The following CRACR2A variants were observed in gnomAD, a reference collection of about 807,000 sequenced individuals.
The protein encoded by CRACR2A is EF-hand calcium-binding domain-containing protein 4B.
CRACR2A carries 79 observed loss-of-function variants against 90.5 expected under a neutral mutation model. That is an observed-to-expected ratio of 0.87 (90% CI 0.73 to 1.05). The LOEUF (loss-of-function observed/expected upper bound fraction) is 1.05, where lower values mean the gene tolerates loss of function less well. Ranked by LOEUF, CRACR2A falls within the 50% of genes least tolerant of loss-of-function variation. The pLI is 0.00. For synonymous variants in CRACR2A, 338 were observed against 356.7 expected (o/e 0.95, Z 0.59); for missense variants, 823 against 897.2 (o/e 0.92, Z 1.06).
At chr12:3,714,041 C>T (rs1946046210) in intron 2 of CRACR2A, among the ~76,000 whole-genome samples, 1 of 152,204 alleles carries the variant, frequency 6.6e-6, no homozygotes, top group Non-Finnish European at 1.5e-5. Flanking sequence ...AATGCCAAAG[C>T]TCAAACCACA....
At chr12:3,618,746 C>G (rs1047791880) in intron 18 of CRACR2A, among the ~76,000 whole-genome samples, 1 of 152,172 alleles carries the variant, frequency 6.6e-6, no homozygotes, top group Non-Finnish European at 1.5e-5. Context: ...CCATTAAGCC[C>G]CATTGATTCC....
intron 6 of CRACR2A, 57 bp downstream of exon 6, chr12:3,678,858 C>G (rs532560371): frequency 6.5e-7 from 1 of 1,527,290 alleles, no homozygotes; most frequent in Non-Finnish European, 8.9e-7. Context: ...TGAATGGACA[C>G]AGGAAGAGGT....
intron 2 of CRACR2A, among the ~76,000 whole-genome samples, chr12:3,719,969 A>T (rs1292556774): frequency 1.3e-5 from 2 of 151,750 alleles, no homozygotes; most frequent in Middle Eastern, 3.2e-3. Context: ...AACACAAAAA[A>T]TTAGCTGGGC....
rs573667052 is a variant in CRACR2A, at chr12:3,717,501, G to C, written c.-117-4184C>G. The stretch of plus-strand genomic sequence containing the variant: ...TCTCAGCTGCCACTTGATATTGCAG[G>C]CCTACCACTGCGATCCGGGCTAGGG... On this transcript the variant is annotated intron_variant, in intron 2 of 19. Transcript: ENST00000440314. Among the ~76,000 whole-genome samples the C allele has an allele frequency of 1.2e-3, 187 of 152,264 alleles. 2 individuals are homozygous for C. The South Asian group carries it at 0.013, about 11-fold the overall frequency.
intron 17 of CRACR2A, among the ~76,000 whole-genome samples, chr12:3,627,040 G>T (rs74055934): frequency 3.9e-4 from 59 of 152,242 alleles, no homozygotes; most frequent in African/African-American, 1.4e-3. Context: ...GGGGAGAGAC[G>T]CTGGTGAGAA....
intron 10 of CRACR2A, among the ~76,000 whole-genome samples, chr12:3,651,729 A>T (rs1944797996): frequency 6.6e-6 from 1 of 152,016 alleles, no homozygotes; most frequent in Non-Finnish European, 1.5e-5. Flanking sequence ...GGGCAGCAAG[A>T]CCCTGTCAGA....
chr12:3,701,179 A>G (rs560822447), intron 3 of CRACR2A, among the ~76,000 whole-genome samples: 2 of 152,240 alleles, frequency 1.3e-5, no homozygotes, highest in Admixed American at 1.3e-4. Context: ...AAAAAGCACA[A>G]TATATCAAAT....
chr12:3,737,700 G>C (rs73247899), intron 1 of CRACR2A, among the ~76,000 whole-genome samples: 2 of 152,010 alleles, frequency 1.3e-5, no homozygotes, highest in Non-Finnish European at 2.9e-5. Context: ...TGTAGTAAGT[G>C]GGGGGAAGGA....
At chr12:3,677,809 T>C (rs1221149789) in intron 6 of CRACR2A, among the ~76,000 whole-genome samples, 1 of 152,224 alleles carries the variant, frequency 6.6e-6, no homozygotes, top group Non-Finnish European at 1.5e-5. Flanking sequence ...TTCCACTTCC[T>C]GTGTAGCGCC....
At chr12:3,649,870 A>C (rs1944763792) in intron 10 of CRACR2A, among the ~76,000 whole-genome samples, 1 of 151,504 alleles carries the variant, frequency 6.6e-6, no homozygotes, top group Non-Finnish European at 1.5e-5. Flanking sequence ...AAAAGGAAGA[A>C]AAAAGAGGAA....
chr12:3,712,364 T>C lies in CRACR2A; in HGVS notation c.-37+873A>G, dbSNP rs241988. ...AATTGGCTTATGGTTCTGCAAGCTATGCAAGCATGGTGCGAACATCTGCTT... is the reference window on the plus strand; with the variant it reads ...AATTGGCTTATGGTTCTGCAAGCTACGCAAGCATGGTGCGAACATCTGCTT... On this transcript the variant is annotated intron_variant, in intron 3 of 19. Coordinates refer to ENST00000440314, the MANE Select transcript of CRACR2A (RefSeq NM_001144958.2). Among the ~76,000 whole-genome samples, 515 of 152,322 alleles carry C rather than the reference T, an allele frequency of 3.4e-3. 2 individuals carry two copies. Among genetic ancestry groups the C allele is most frequent in the African/African-American group, 0.011 (473 of 41,568 alleles).
intron 1 of CRACR2A, among the ~76,000 whole-genome samples, chr12:3,751,657 G>A (rs958278597): frequency 6.6e-6 from 1 of 152,020 alleles, no homozygotes; most frequent in Non-Finnish European, 1.5e-5. Flanking sequence ...TTCAAGGCCC[G>A]GCCTCAGTGC....
At chr12:3,687,950 C>CT (rs944481757) in intron 4 of CRACR2A, among the ~76,000 whole-genome samples, 1 of 152,016 alleles carries the variant, frequency 6.6e-6, no homozygotes, top group African/African-American at 2.4e-5. Flanking sequence ...CAGTGATGAC[C>CT]TTTTTTTCAT....
chr12:3,714,237 AGG>A (rs1014515406), intron 2 of CRACR2A, among the ~76,000 whole-genome samples: 5 of 152,234 alleles, frequency 3.3e-5, no homozygotes, highest in African/African-American at 1.2e-4. Flanking sequence ...TAGGTGCCAA[AGG>A]CAGCAACAGG....
At chr12:3,656,489 A>G (rs1944911570) in intron 8 of CRACR2A, 83 bp from the exon 9 acceptor site, 1 of 1,227,916 alleles carries the variant, frequency 8.1e-7, no homozygotes, top group Non-Finnish European at 1.2e-6. Context: ...CCTTGAACCT[A>G]CTCAACATCA....
intron 17 of CRACR2A, among the ~76,000 whole-genome samples, chr12:3,626,214 C>T (rs565879933): frequency 6.6e-6 from 1 of 152,232 alleles, no homozygotes; most frequent in Admixed American, 6.5e-5. Context: ...GTGACCCAGA[C>T]ATGCAAAACT....
At chr12:3,634,309 G>A (rs7133350) in intron 14 of CRACR2A, among the ~76,000 whole-genome samples, 43,105 of 151,958 alleles carry the variant, frequency 0.28, 6,444 homozygotes, top group East Asian at 0.43. Context: ...CTCCCTCTCC[G>A]TCCATCTTAT....
In CRACR2A at chr12:3,689,750, T is replaced by C. The variant is rs565029213; in HGVS notation, c.228+7022A>G. ...ATCTCTCCTCCTCAATTTTTTTTAA[T>C]AGTTTCGGTAGGAATGGTACCAGCT... On this transcript the variant is annotated intron_variant, in intron 4 of 19. Transcript: ENST00000440314. Among the ~76,000 whole-genome samples the C allele has an allele frequency of 6.0e-5, 9 of 151,190 alleles. No homozygotes were observed. In the South Asian group the frequency reaches 1.9e-3, roughly 32 times the overall value.
chr12:3,739,805 G>A (rs978000249), intron 1 of CRACR2A, among the ~76,000 whole-genome samples: 5 of 151,998 alleles, frequency 3.3e-5, no homozygotes, highest in Admixed American at 6.6e-5. Context: ...ATGGTGGTGC[G>A]TACCTGTAAT....
Sources: allele counts gnomAD v4.1 joint callset (sites outside exome capture counted in the v4.1 genomes callset), GRCh38; gene constraint gnomAD v4.1.1; transcripts MANE v1.5; gene names NCBI Gene and HGNC (gene_info 2026-07-23, HGNC 2026-07-21).